STXBP5L: variants seen among roughly 807,000 people sequenced by gnomAD.
STXBP5L encodes the protein syntaxin-binding protein 5-like.
STXBP5L carries 65 observed loss-of-function variants against 144.5 expected under a neutral mutation model. The ratio of observed to expected loss-of-function variants is 0.45; its 90% CI spans 0.37 to 0.55. STXBP5L has a LOEUF of 0.55. Among genes scored for constraint, STXBP5L ranks in the 20% least tolerant of loss-of-function variants. The pLI is 0.00. For synonymous variants in STXBP5L, 505 were observed against 469.6 expected (o/e 1.08, Z -0.97); for missense variants, 1,298 against 1,405.5 (o/e 0.92, Z 1.22).
chr3:120,921,320 T>C (rs908229262), intron 2 of STXBP5L, among the ~76,000 whole-genome samples: 3 of 151,894 alleles, frequency 2.0e-5, no homozygotes, highest in Non-Finnish European at 4.4e-5. Context: ...AAACTCAGAT[T>C]ATTTATTTAT....
At chr3:121,239,671 A>G (rs2049600220) in intron 13 of STXBP5L, among the ~76,000 whole-genome samples, 1 of 133,374 alleles carries the variant, frequency 7.5e-6, no homozygotes, top group Non-Finnish European at 1.5e-5. Context: ...GAACACATGG[A>G]CACAGGAAGG....
rs1293623765 is a variant in STXBP5L at position 120,993,981 on chromosome 3, G to T, written c.287+38944G>T. ...GTCCTCTTAAATTTCTTTCATCAGT[G>T]TTTTGTAGTTTTCCTTGGAGAGGTC... On this transcript the variant is annotated intron_variant, in intron 3 of 26. Transcript: ENST00000471454. 3.3e-5 allele frequency among the ~76,000 whole-genome samples: 5 copies of T among 151,898 alleles called. No homozygotes were observed. The East Asian group carries it at 9.6e-4, about 29-fold the overall frequency.
At chr3:121,293,487 A>G (rs2051525551) in intron 19 of STXBP5L, among the ~76,000 whole-genome samples, 2 of 152,182 alleles carry the variant, frequency 1.3e-5, no homozygotes, top group African/African-American at 4.8e-5. Context: ...TTAAACCTTA[A>G]CAAGGCTATT....
chr3:121,246,756 G>T (rs1056431986), intron 14 of STXBP5L, among the ~76,000 whole-genome samples: 1 of 151,970 alleles, frequency 6.6e-6, no homozygotes, highest in Admixed American at 6.6e-5. Flanking sequence ...GCAACAAAAA[G>T]GAACAAATTA....
At chr3:121,413,797 A>T (rs2047174309) in intron 24 of STXBP5L, among the ~76,000 whole-genome samples, 1 of 152,228 alleles carries the variant, frequency 6.6e-6, no homozygotes, top group Non-Finnish European at 1.5e-5. Flanking sequence ...AACAGGATAG[A>T]TATAAATGTC....
At chr3:121,363,472 TTC>T (rs1411525245) in intron 20 of STXBP5L, among the ~76,000 whole-genome samples, 7 of 152,162 alleles carry the variant, frequency 4.6e-5, no homozygotes, top group Non-Finnish European at 1.0e-4. Context: ...ATGGTTGAAA[TTC>T]TCTCTCTGTG....
chr3:120,993,812 A>AT lies in STXBP5L; in HGVS notation c.287+38782dup, dbSNP rs1329446941. ...TTTTTGGTTCCATATAAATTTTAGGATTTTTTTCTATTTTTGTGAGAATAT... is the reference window on the plus strand; with the variant it reads ...TTTTTGGTTCCATATAAATTTTAGGATTTTTTTTCTATTTTTGTGAGAATAT... On this transcript the variant is annotated intron_variant, in intron 3 of 26. Transcript: ENST00000471454. Among the ~76,000 whole-genome samples the AT allele has an allele frequency of 7.3e-5, 11 of 151,144 alleles. No individual in the cohort carries two copies. The South Asian group carries it at 1.5e-3, about 20-fold the overall frequency.
chr3:120,978,409 C>A (rs1270605087), intron 3 of STXBP5L, among the ~76,000 whole-genome samples: 1 of 152,184 alleles, frequency 6.6e-6, no homozygotes, highest in Non-Finnish European at 1.5e-5. Context: ...CTCCTTTAAG[C>A]ACTTCTCTGT....
At chr3:120,985,497 T>C (rs1046641208) in intron 3 of STXBP5L, among the ~76,000 whole-genome samples, 1 of 152,100 alleles carries the variant, frequency 6.6e-6, no homozygotes, top group Non-Finnish European at 1.5e-5. Flanking sequence ...ATAGTCACCA[T>C]GCTGTGTAAT....
At chr3:121,303,962 G>A (rs1559954662) in intron 19 of STXBP5L, among the ~76,000 whole-genome samples, 5 of 151,670 alleles carry the variant, frequency 3.3e-5, no homozygotes, top group Admixed American at 6.6e-5. Context: ...ACACAAACAT[G>A]GCACATGTAT....
At chr3:121,326,139 T>G (rs2044138530) in intron 20 of STXBP5L, among the ~76,000 whole-genome samples, 1 of 152,004 alleles carries the variant, frequency 6.6e-6, no homozygotes, top group Non-Finnish European at 1.5e-5. Context: ...TCATTAACAT[T>G]GTCCAAATAG....
At chr3:121,416,864 T>C (rs550551054) in intron 25 of STXBP5L, among the ~76,000 whole-genome samples, 1 of 152,272 alleles carries the variant, frequency 6.6e-6, no homozygotes, top group South Asian at 2.1e-4. Flanking sequence ...AGAGAAGGTA[T>C]GAATATATTT....
At chr3:121,237,620 G>A (rs2049524169) in intron 12 of STXBP5L, among the ~76,000 whole-genome samples, 1 of 152,184 alleles carries the variant, frequency 6.6e-6, no homozygotes, top group African/African-American at 2.4e-5. Flanking sequence ...TGGCCAGGCT[G>A]CAAATTTTTC....
chr3:121,319,350 C>T (rs187358718), intron 20 of STXBP5L, among the ~76,000 whole-genome samples: 189 of 152,116 alleles, frequency 1.2e-3, no homozygotes, highest in Non-Finnish European at 1.8e-3. Flanking sequence ...TTTAATAATG[C>T]CATTATAAAG....
intron 20 of STXBP5L, among the ~76,000 whole-genome samples, chr3:121,320,255 G>GT (rs1266308204): frequency 6.6e-6 from 1 of 151,484 alleles, no homozygotes; most frequent in Non-Finnish European, 1.5e-5. Context: ...CTTTGTGTTT[G>GT]TTTTTTTCCT....
At chr3:120,974,121 A>C (rs1458739014) in intron 3 of STXBP5L, among the ~76,000 whole-genome samples, 1 of 152,094 alleles carries the variant, frequency 6.6e-6, no homozygotes, top group African/African-American at 2.4e-5. Context: ...CACCACACTA[A>C]CTTCCACAAT....
At position 121,421,337 on chromosome 3, in the gene STXBP5L, T is replaced by A. The variant is rs866001442; in HGVS notation, c.*2240T>A. ...TTAACTTGTTTTAACTTGATCTACA[T>A]CGAGATTTCTCAAAAGCAGCACTAT... On this transcript the variant is annotated 3_prime_UTR_variant, in exon 27 of 27. Transcript: ENST00000471454. The A allele has an allele frequency of 1.1e-4, 17 of 151,598 alleles. No individual in the cohort carries two copies. The highest frequency in any genetic ancestry group is 3.9e-4 in the African/African-American group (16 of 41,538). The allele number at this position is 151,598 out of a possible 1,614,324, so 9.4% of individuals were successfully genotyped here. A position where few individuals can be genotyped will look rare whatever the true frequency, so the allele number is the denominator to read the frequency against.
intron 5 of STXBP5L, among the ~76,000 whole-genome samples, chr3:121,081,559 TA>T (rs375621062): frequency 2.8e-4 from 42 of 152,182 alleles, no homozygotes; most frequent in African/African-American, 9.6e-4. Context: ...TACTGTCTCC[TA>T]GGGGGTTAGA....
chr3:121,321,418 A>AT (rs2043965590), intron 20 of STXBP5L, among the ~76,000 whole-genome samples: 1 of 152,226 alleles, frequency 6.6e-6, no homozygotes, highest in African/African-American at 2.4e-5. Context: ...TAATTGTGCT[A>AT]TATTAGAGGG....
Sources: allele counts gnomAD v4.1 joint callset (sites outside exome capture counted in the v4.1 genomes callset), GRCh38; gene constraint gnomAD v4.1.1; transcripts MANE v1.5; gene names NCBI Gene and HGNC (gene_info 2026-07-23, HGNC 2026-07-21).